Variants in ZDHHC4 observed in about 807,000 individuals in gnomAD.
ZDHHC4 encodes zDHHC palmitoyltransferase 4.
A neutral mutation model predicts 36.7 loss-of-function variants in ZDHHC4; 42 were observed. That is an observed-to-expected ratio of 1.14 (90% confidence interval 0.89 to 1.48). The LOEUF is 1.48. Ranked by LOEUF, ZDHHC4 falls within the 40% of genes most tolerant of loss-of-function variation. The probability of loss-of-function intolerance (pLI) is 0.00; values close to 1 mark genes in which losing one functional copy is unlikely to be tolerated. For missense variants in ZDHHC4, 457 were observed against 421.5 expected (o/e 1.08, Z -0.74); for synonymous variants, 189 against 166.6 (o/e 1.13, Z -1.03).
intron 2 of ZDHHC4, among the ~76,000 whole-genome samples, chr7:6,579,135 CT>C (rs1780655736): frequency 7.5e-6 from 1 of 133,974 alleles, no homozygotes; most frequent in African/African-American, 3.1e-5. Flanking sequence ...ATTCCAGTAC[CT>C]TTTTTTTCTT....
At position 6,581,497 on chromosome 7, in the gene ZDHHC4, A is replaced by G. The variant is rs115208608; in HGVS notation, c.118-110A>G. ...ATCACTTCTTCACCCATATAGGGAA[A>G]CAAAACTTACTATCACCCAGATTGC... is the stretch of plus-strand genomic sequence containing the variant. On this transcript the variant is annotated intron_variant, in intron 3 of 7. Transcript: ENST00000335965. 1.1e-3 allele frequency: 908 copies of G among 804,764 alleles called. 10 individuals are homozygous for G. The African/African-American group carries it at 0.014, about 13-fold the overall frequency. The allele number at this position is 804,764 out of a possible 1,614,324, so 49.9% of individuals were successfully genotyped here.
chr7:6,586,599 C>A (rs1022418785), intron 7 of ZDHHC4, among the ~76,000 whole-genome samples: 1 of 152,128 alleles, frequency 6.6e-6, no homozygotes, highest in Non-Finnish European at 1.5e-5. Flanking sequence ...CCTCAGTCTC[C>A]CGTGTAGCTG....
At chr7:6,580,531 C>A in intron 2 of ZDHHC4, 24 bp from the exon 3 acceptor site, 1 of 1,591,436 alleles carries the variant, frequency 6.3e-7, no homozygotes, top group Non-Finnish European at 8.6e-7. Flanking sequence ...AGCAGATAGT[C>A]ACACTCTTTC....
Position 6,582,326 on chromosome 7 carries a change from G to GC in ZDHHC4, c.370+82dup, listed in dbSNP as rs572108095. 5.4e-4 allele frequency: 733 copies of GC among 1,345,692 alleles called. No homozygotes were observed. In the African/African-American group the frequency reaches 6.7e-3, roughly 12 times the overall value. The allele number at this position is 1,345,692 out of a possible 1,614,324, so 83.4% of individuals were successfully genotyped here. A position where few individuals can be genotyped will look rare whatever the true frequency, so the allele number is the denominator to read the frequency against. Reference sequence around the variant, plus strand: ...CTAATAGTGCTGCAAACAAGGAGAGGCCCCCCCTGAGGACTTTGTAAAAGA... The same window carrying GC: ...CTAATAGTGCTGCAAACAAGGAGAGGCCCCCCCCTGAGGACTTTGTAAAAGA... On this transcript the variant is annotated intron_variant, in intron 5 of 7. Coordinates refer to ENST00000335965, the MANE Select transcript of ZDHHC4 (RefSeq NM_001134389.2).
chr7:6,588,899 A>G lies in ZDHHC4; in HGVS notation c.1024A>G (p.Lys342Glu). 1 of 1,605,914 alleles carries G rather than the reference A, an allele frequency of 6.2e-7. No individual in the cohort carries two copies. Among genetic ancestry groups the G allele is most frequent in the African/African-American group, 1.3e-5 (1 of 74,924 alleles). The change falls in exon 8 of 8, where the codon AAA becomes GAA. Residue 342 changes from lysine (K) to glutamate (E), a missense_variant. Transcript: ENST00000335965. ...LPAFPCHERK[K>E]QE ...TGCCTTTCCATGTCATGAGAGGAAG[A>G]AACAAGAATGACAAGTGTATGACTG...
At chr7:6,582,338 G>T in intron 5 of ZDHHC4, 87 bp downstream of exon 5, 1 of 1,225,280 alleles carries the variant, frequency 8.2e-7, no homozygotes, top group Non-Finnish European at 1.1e-6. Flanking sequence ...CCCCCCTGAG[G>T]ACTTTGTAAA....
intron 1 of ZDHHC4, among the ~76,000 whole-genome samples, chr7:6,577,915 C>T (rs1290120329): frequency 6.6e-6 from 1 of 152,212 alleles, no homozygotes; most frequent in Non-Finnish European, 1.5e-5. Flanking sequence ...TTACTGCACC[C>T]TCCGCCTCCC....
In ZDHHC4 at chr7:6,588,859, A is replaced by G. The variant is rs377407315; in HGVS notation, c.984A>G (p.Gln328=). ...IHSHGLRSNL[Q]EIFLPAFPCH... ...CCCATGGGCTTCGGAGCAACCTTCA[A>G]GAGATCTTTCTACCTGCCTTTCCAT... is the stretch of plus-strand genomic sequence containing the variant. The change falls in exon 8 of 8, where the codon CAA becomes CAG. Residue 328 remains glutamine (Q), a synonymous_variant. Coordinates refer to ENST00000335965, the MANE Select transcript of ZDHHC4 (RefSeq NM_001134389.2). The G allele has an allele frequency of 4.3e-6, 7 of 1,612,372 alleles. No homozygotes were observed. In the African/African-American group the frequency reaches 9.3e-5, roughly 22 times the overall value.
intron 1 of ZDHHC4, 34 bp from the exon 2 acceptor site, chr7:6,578,532 C>T (rs1032681598): frequency 6.6e-6 from 1 of 152,228 alleles, no homozygotes; most frequent in Non-Finnish European, 1.5e-5. Context: ...CTCTTGTCGT[C>T]TTATGTGGGT....
intron 3 of ZDHHC4, 123 bp downstream of exon 3, chr7:6,580,801 C>A: frequency 2.3e-6 from 2 of 884,514 alleles, no homozygotes; most frequent in South Asian, 1.5e-5. Context: ...ACCTGTAATC[C>A]CGCTACTCAG....
chr7:6,580,606 G>T lies in ZDHHC4; in HGVS notation c.45G>T (p.Leu15=). Residue 15 remains leucine, a synonymous_variant, in exon 3 of 8, where the codon CTG becomes CTT. Transcript: ENST00000335965. ...TCTTGTTCTACCTGGCTTCGGTGCT[G>T]ATGGGTCTTGTTCTTATCTGCGTCT... ...VLFLFYLASV[L]MGLVLICVCS... is the part of the protein sequence containing the mutation. 1.2e-6 allele frequency: 2 copies of T among 1,614,172 alleles called. No individual in the cohort carries two copies. Among genetic ancestry groups the T allele is most frequent in the Non-Finnish European group, 1.7e-6 (2 of 1,180,032 alleles).
At chr7:6,579,383 T>C (rs1423329101) in intron 2 of ZDHHC4, among the ~76,000 whole-genome samples, 1 of 151,886 alleles carries the variant, frequency 6.6e-6, no homozygotes, top group East Asian at 1.9e-4. Flanking sequence ...GTGTTTTTAG[T>C]ATAGATGGGG....
intron 7 of ZDHHC4, among the ~76,000 whole-genome samples, chr7:6,586,308 C>T (rs987728813): frequency 9.2e-5 from 14 of 152,192 alleles, no homozygotes; most frequent in African/African-American, 3.1e-4. Context: ...TCCCCATTCC[C>T]TCCTCCCCCA....
At position 6,582,009 on chromosome 7, in the gene ZDHHC4, T is replaced by C. The variant is rs1780884827; in HGVS notation, c.192-64T>C. On this transcript the variant is annotated intron_variant, in intron 4 of 7. Transcript: ENST00000335965. ...AGTGGTTGGCCGTTGGTTACTTTCT[T>C]TAGTATCATACAATTTCTTCAAGAA... The C allele has an allele frequency of 2.0e-6, 3 of 1,533,484 alleles. No homozygotes were observed. In the South Asian group the frequency reaches 3.7e-5, roughly 19 times the overall value. 95.0% of individuals were successfully genotyped at this position (1,533,484 alleles called of 1,614,324 possible).
rs150758593 is a variant in ZDHHC4 at position 6,578,296 on chromosome 7, T to G, written c.-162-270T>G. Among the ~76,000 whole-genome samples, 126 of 151,762 alleles carry G rather than the reference T, an allele frequency of 8.3e-4. 2 individuals are homozygous for G. Among genetic ancestry groups the G allele is most frequent in the Admixed American group, 3.0e-3 (45 of 15,254 alleles). On this transcript the variant is annotated intron_variant, in intron 1 of 7. Coordinates refer to ENST00000335965, the MANE Select transcript of ZDHHC4 (RefSeq NM_001134389.2). ...GCGCGGGCCACCACGCCCCACTGAT[T>G]TTTAAATTTTTATGTAGGGACAGTG...
Position 6,589,349 on chromosome 7 carries a change from G to T in ZDHHC4, c.*439G>T. 1 of 180,588 alleles carries T rather than the reference G, an allele frequency of 5.5e-6. No homozygotes were observed. Among genetic ancestry groups the T allele is most frequent in the Non-Finnish European group, 1.2e-5 (1 of 82,894 alleles). 11.2% of individuals were successfully genotyped at this position (180,588 alleles called of 1,614,324 possible). On this transcript the variant is annotated 3_prime_UTR_variant, in exon 8 of 8. Coordinates refer to ENST00000335965, the MANE Select transcript of ZDHHC4 (RefSeq NM_001134389.2). ...GGGATTTTCATCTCAACAACAGAGT[G>T]TCCTCACCCAGGCCTGCCTTCCGGC...
intron 3 of ZDHHC4, chr7:6,581,178 C>G (rs1404955965): frequency 1.7e-5 from 4 of 236,196 alleles, no homozygotes; most frequent in Non-Finnish European, 3.3e-5. Flanking sequence ...GGCTGGCCCC[C>G]CTCCTTCAGG....
chr7:6,589,115 T>C lies in ZDHHC4; in HGVS notation c.*205T>C. On this transcript the variant is annotated 3_prime_UTR_variant, in exon 8 of 8. Transcript: ENST00000335965. The stretch of plus-strand genomic sequence containing the variant: ...AAACCGGGCATCTCTGAAGTCCTGG[T>C]GTCAAGGGGATCAAGAGATGACTTC... The C allele has an allele frequency of 1.7e-6, 1 of 601,006 alleles. No homozygotes were observed. Among genetic ancestry groups the C allele is most frequent in the Non-Finnish European group, 2.9e-6 (1 of 348,256 alleles). 37.2% of individuals were successfully genotyped at this position (601,006 alleles called of 1,614,324 possible). A position where few individuals can be genotyped will look rare whatever the true frequency, so the allele number is the denominator to read the frequency against.
intron 2 of ZDHHC4, among the ~76,000 whole-genome samples, chr7:6,580,331 G>A (rs893964909): frequency 2.0e-5 from 3 of 152,018 alleles, no homozygotes; most frequent in African/African-American, 4.8e-5. Context: ...AGGGAGCTCA[G>A]GACCATTTTG....
Sources: gnomAD v4.1 joint callset for allele counts (sites outside exome capture counted in the v4.1 genomes callset) on GRCh38, gnomAD v4.1.1 for gene constraint, MANE v1.5 for transcripts, NCBI Gene and HGNC (gene_info 2026-07-23, HGNC 2026-07-21) for gene names.